MCF2: variants seen among roughly 807,000 people sequenced by gnomAD.
The protein encoded by MCF2 is MCF.2 cell line derived transforming sequence, also known as proto-oncogene DBL.
Under a neutral mutation model 82.5 loss-of-function variants are expected in MCF2, and 44 were observed. That is an observed-to-expected ratio of 0.53 (90% CI 0.42 to 0.69). The LOEUF is 0.69. Ranked by LOEUF, MCF2 falls within the 30% of genes least tolerant of loss-of-function variation. The pLI is 0.00. For missense variants in MCF2, 623 were observed against 663.1 expected, an observed-to-expected ratio of 0.94 and a Z score of 0.66; for synonymous variants, 217 against 224.9, an observed-to-expected ratio of 0.96 and a Z score of 0.32.
At chrX:139,647,681 T>C (rs1358248032), upstream of MCF2, among the ~76,000 whole-genome samples, 1 of 111,438 alleles carries the variant, frequency 9.0e-6, no homozygotes, top group African/African-American at 3.3e-5. Context: ...GTAACTGTCA[T>C]AGGGGTTCTT....
At chrX:139,622,247 T>C (rs1303858823) in intron 6 of MCF2, among the ~76,000 whole-genome samples, 3 of 111,391 alleles carry the variant, frequency 2.7e-5, no homozygotes, top group Non-Finnish European at 3.8e-5. Context: ...CTGGAGAGGA[T>C]GTGGAGAAAT....
At chrX:139,665,617 T>C (rs1934486602) in intron 1 of MCF2, among the ~76,000 whole-genome samples, 1 of 110,316 alleles carries the variant, frequency 9.1e-6, no homozygotes, top group African/African-American at 3.3e-5. Context: ...CTTTCAGTGA[T>C]ATGAAGTTTC....
chrX:139,639,354 C>T lies in MCF2; in HGVS notation c.51+3114G>A, dbSNP rs142758123. ...GGAAACAGCATTGGTTTTAGGTTCT[C>T]GCAGACATTTTTCTGGAGTTCCAGC... On this transcript the variant is annotated intron_variant, in intron 1 of 24. Coordinates refer to ENST00000370576, the Ensembl canonical transcript of MCF2. 6.5e-3 allele frequency among the ~76,000 whole-genome samples: 723 copies of T among 111,525 alleles called. 5 individuals are homozygous for T. Among genetic ancestry groups the T allele is most frequent in the African/African-American group, 0.022 (670 of 30,643 alleles).
exon 14 of MCF2, chrX:139,604,973 C>G: frequency 8.9e-7 from 1 of 1,122,532 alleles, no homozygotes; most frequent in African/African-American, 1.8e-5. Flanking sequence ...TATCCATCTC[C>G]GCTCTATAAC....
intron 1 of MCF2, among the ~76,000 whole-genome samples, chrX:139,693,483 AACAC>A (rs67506907): frequency 0.23 from 22,740 of 97,169 alleles, 2,192 homozygotes; most frequent in African/African-American, 0.34. Flanking sequence ...GTAGGGGAGG[AACAC>A]ACACACACAC....
intron 1 of MCF2, among the ~76,000 whole-genome samples, chrX:139,682,523 T>C (rs1021557410): frequency 2.7e-5 from 3 of 112,616 alleles, no homozygotes; most frequent in African/African-American, 6.5e-5. Context: ...TAAATATTTT[T>C]CCTGCTTAAA....
intron 10 of MCF2, among the ~76,000 whole-genome samples, chrX:139,612,942 G>C (rs1472100589): frequency 8.9e-6 from 1 of 111,914 alleles, no homozygotes; most frequent in African/African-American, 3.2e-5. Context: ...ATTCATTTTA[G>C]CATCGCCAAT....
At chrX:139,650,318 T>C (rs927711025) in intron 2 of MCF2, among the ~76,000 whole-genome samples, 2 of 111,518 alleles carry the variant, frequency 1.8e-5, no homozygotes, top group African/African-American at 6.5e-5. Context: ...CGTACCACTG[T>C]ACTGGAGCCT....
intron 1 of MCF2, among the ~76,000 whole-genome samples, chrX:139,635,720 G>T (rs962298976): frequency 9.0e-6 from 1 of 111,266 alleles, no homozygotes; most frequent in Non-Finnish European, 1.9e-5. Flanking sequence ...GAATATAAAG[G>T]CACTTCTAAA....
intron 19 of MCF2, among the ~76,000 whole-genome samples, chrX:139,592,542 G>A (rs1468209877): frequency 8.9e-6 from 1 of 111,936 alleles, no homozygotes; most frequent in Non-Finnish European, 1.9e-5. Context: ...GGTCAAATAT[G>A]CCTATGAAGG....
chrX:139,636,175 A>C (rs1481113582), intron 1 of MCF2, among the ~76,000 whole-genome samples: 1 of 111,495 alleles, frequency 9.0e-6, no homozygotes, highest in Non-Finnish European at 1.9e-5. Flanking sequence ...TAAGGGAAGA[A>C]TCTGACAGGG....
chrX:139,651,732 C>T (rs1463596448), exon 2 of MCF2: 12 of 1,156,043 alleles, frequency 1.0e-5, no homozygotes, highest in East Asian at 3.2e-5. Flanking sequence ...GACAAGAAGG[C>T]GATGTCTTGC....
chrX:139,682,107 C>T (rs978817), intron 1 of MCF2, among the ~76,000 whole-genome samples: 10,877 of 109,879 alleles, frequency 0.099, 434 homozygotes, highest in South Asian at 0.22. Flanking sequence ...GGGGAAGAAC[C>T]GAGAAAAGAG....
chrX:139,662,575 A>AT (rs1252676346), intron 1 of MCF2, among the ~76,000 whole-genome samples: 4 of 111,040 alleles, frequency 3.6e-5, no homozygotes, highest in African/African-American at 6.6e-5. Context: ...GGGTCAGTTG[A>AT]TTTTTTTGTA....
chrX:139,639,431 T>C (rs1260187354), intron 1 of MCF2, among the ~76,000 whole-genome samples: 3 of 111,599 alleles, frequency 2.7e-5, no homozygotes, highest in African/African-American at 9.8e-5. Flanking sequence ...GCCTATCACA[T>C]AGGACTCGGA....
chrX:139,602,377 T>A (rs201709409), intron 16 of MCF2, 29 bp downstream of exon 20: 42 of 998,367 alleles, frequency 4.2e-5, no homozygotes, highest in Non-Finnish European at 5.5e-5. Flanking sequence ...CCAGAAAGAA[T>A]ATATCCAATA....
intron 15 of MCF2, among the ~76,000 whole-genome samples, chrX:139,603,567 G>C (rs1228177283): frequency 8.9e-6 from 1 of 112,427 alleles, no homozygotes; most frequent in African/African-American, 3.2e-5. Flanking sequence ...CGGACACGGT[G>C]GCTCACGCCT....
At chrX:139,626,341 G>T (rs1569366489) in intron 5 of MCF2, 34 bp from the exon 9 acceptor site, 1 of 861,138 alleles carries the variant, frequency 1.2e-6, no homozygotes, top group Non-Finnish European at 1.7e-6. Context: ...ATTCCTAAAA[G>T]CAACTATCTG....
chrX:139,659,636 G>A (rs138989551), intron 1 of MCF2, among the ~76,000 whole-genome samples: 3,107 of 111,554 alleles, frequency 0.028, 119 homozygotes, highest in African/African-American at 0.095. Flanking sequence ...CTGCACACAC[G>A]TGCCATGTCA....
Sources: gnomAD v4.1 joint callset for allele counts (sites outside exome capture counted in the v4.1 genomes callset) on GRCh38, gnomAD v4.1.1 for gene constraint, MANE v1.5 for transcripts, NCBI Gene and HGNC (gene_info 2026-07-23, HGNC 2026-07-21) for gene names.